Variants in CTBP2 observed in about 807,000 individuals in gnomAD.
CTBP2 encodes C-terminal-binding protein 2.
CTBP2 carries 30 observed loss-of-function variants against 80.3 expected under a neutral mutation model. That is an observed-to-expected ratio of 0.37 (90% CI 0.28 to 0.51). CTBP2 has a LOEUF of 0.51. Ranked by LOEUF, CTBP2 falls within the 20% of genes least tolerant of loss-of-function variation. The probability of loss-of-function intolerance (pLI) is 0.93; values close to 1 mark genes in which losing one functional copy is unlikely to be tolerated. For synonymous variants in CTBP2, 594 were observed against 587.4 expected (o/e 1.01, Z -0.16); for missense variants, 1,212 against 1,375.3 (o/e 0.88, Z 1.88).
At chr10:125,022,523 G>T (rs1957156315) in intron 1 of CTBP2, among the ~76,000 whole-genome samples, 1 of 145,240 alleles carries the variant, frequency 6.9e-6, no homozygotes, top group Non-Finnish European at 1.5e-5. Flanking sequence ...CAGGGGACAG[G>T]TCAATGAGGA....
intron 2 of CTBP2, among the ~76,000 whole-genome samples, chr10:125,075,365 G>C (rs1186683508): frequency 6.6e-6 from 1 of 152,112 alleles, no homozygotes; most frequent in Non-Finnish European, 1.5e-5. Flanking sequence ...CCCCATTAAT[G>C]AATCAATGCT....
chr10:125,145,123 C>T (rs1858510668), intron 1 of CTBP2, among the ~76,000 whole-genome samples: 1 of 152,204 alleles, frequency 6.6e-6, no homozygotes, highest in Non-Finnish European at 1.5e-5. Flanking sequence ...CTTCTTTCAA[C>T]CATTTTTCAT....
chr10:125,111,486 A>C (rs1415119105), intron 1 of CTBP2, among the ~76,000 whole-genome samples: 1 of 152,262 alleles, frequency 6.6e-6, no homozygotes, highest in Non-Finnish European at 1.5e-5. Context: ...TATAAAGTGC[A>C]AATCATGAGC....
At chr10:125,048,160 C>A (rs1184195685) in intron 2 of CTBP2, among the ~76,000 whole-genome samples, 3 of 152,022 alleles carry the variant, frequency 2.0e-5, no homozygotes, top group Non-Finnish European at 4.4e-5. Context: ...GAAACCCCCA[C>A]GTGGGCTGAC....
At chr10:124,990,131 GC>G (rs923294747) in intron 8 of CTBP2, among the ~76,000 whole-genome samples, 3 of 150,310 alleles carry the variant, frequency 2.0e-5, no homozygotes, top group Non-Finnish European at 4.4e-5. Flanking sequence ...TGCAACCTCT[GC>G]CTCCTGGGTT....
At chr10:125,033,443 G>C (rs1358322979) in intron 3 of CTBP2, among the ~76,000 whole-genome samples, 1 of 103,348 alleles carries the variant, frequency 9.7e-6, no homozygotes, top group African/African-American at 3.0e-5. Flanking sequence ...AATCAGAGAG[G>C]AGTCTCATTT....
chr10:125,071,201 C>T (rs1845432213), intron 2 of CTBP2, among the ~76,000 whole-genome samples: 2 of 152,138 alleles, frequency 1.3e-5, no homozygotes, highest in Non-Finnish European at 1.5e-5. Flanking sequence ...ACAGAGGCAG[C>T]GAGGGGCAGG....
intron 2 of CTBP2, among the ~76,000 whole-genome samples, chr10:125,104,042 T>C (rs1442876576): frequency 1.3e-5 from 2 of 152,190 alleles, no homozygotes; most frequent in African/African-American, 4.8e-5. Context: ...GGGAAAGGTG[T>C]TGCATTACAA....
intron 1 of CTBP2, among the ~76,000 whole-genome samples, chr10:125,144,879 C>G (rs777654795): frequency 6.6e-6 from 1 of 152,186 alleles, no homozygotes; most frequent in Non-Finnish European, 1.5e-5. Flanking sequence ...TGACACTGCC[C>G]AGCCTCATCT....
intron 1 of CTBP2, among the ~76,000 whole-genome samples, chr10:125,121,755 C>T (rs1445337107): frequency 6.6e-6 from 1 of 152,198 alleles, no homozygotes. Context: ...AGGCCTGCGT[C>T]CCCCAGACCA....
intron 2 of CTBP2, among the ~76,000 whole-genome samples, chr10:125,094,862 A>AT (rs60252831): frequency 2.2e-3 from 330 of 147,184 alleles, no homozygotes; most frequent in South Asian, 0.012. Flanking sequence ...ATTACCGGCA[A>AT]TTTTTTTTTT....
chr10:125,035,056 C>A (rs1485476943), intron 3 of CTBP2, among the ~76,000 whole-genome samples: 1 of 152,214 alleles, frequency 6.6e-6, no homozygotes, highest in African/African-American at 2.4e-5. Context: ...GCAAGTTCAA[C>A]CCACTGAGAA....
intron 1 of CTBP2, among the ~76,000 whole-genome samples, chr10:125,129,727 C>T (rs1335733499): frequency 1.3e-5 from 2 of 152,166 alleles, no homozygotes; most frequent in Non-Finnish European, 2.9e-5. Flanking sequence ...TCACAGGAGG[C>T]CTGTCTCTGG....
intron 2 of CTBP2, among the ~76,000 whole-genome samples, chr10:125,090,302 A>AAAAAAAAAAAAAAAAAAAG (rs1848579305): frequency 6.7e-6 from 1 of 149,790 alleles, no homozygotes; most frequent in Admixed American, 6.6e-5. Context: ...AAAAAAAAAA[A>AAAAAAAAAAAAAAAAAAAG]GGTTGGGGGG....
At position 124,992,728 on chromosome 10, in the gene CTBP2, G is replaced by A; in HGVS notation, c.2744C>T (p.Ala915Val). Residue 915 changes from alanine (A) to valine (V), a missense_variant, in exon 8 of 9, where the codon GCA (alanine) becomes GTA (valine). This residue lies in a region of CTBP2 where 335 missense variants were observed against 504.7 expected (regional missense o/e 0.66). Coordinates refer to ENST00000309035, the MANE Select transcript of CTBP2 (RefSeq NM_022802.3). ...GGCACCATTGAGCTCAGGATGAATT[G>A]CTTGCTGGTCTATTACTGACCAAGG... 5 of 1,608,390 alleles carry A rather than the reference G, an allele frequency of 3.1e-6. No individual in the cohort carries two copies. Among genetic ancestry groups the A allele is most frequent in the Non-Finnish European group, 4.2e-6 (5 of 1,177,394 alleles).
chr10:125,037,564 A>G (rs1274304631), intron 3 of CTBP2, among the ~76,000 whole-genome samples: 4 of 152,224 alleles, frequency 2.6e-5, no homozygotes, highest in African/African-American at 4.8e-5. Context: ...CAGTAAGTCC[A>G]ATGTCTCTGA....
chr10:125,091,659 G>C (rs1848776929), intron 2 of CTBP2, among the ~76,000 whole-genome samples: 1 of 152,160 alleles, frequency 6.6e-6, no homozygotes, highest in South Asian at 2.1e-4. Context: ...TGTGGTCCCA[G>C]CTATGTGGGG....
At chr10:125,158,791 C>A (rs922269540) in intron 1 of CTBP2, 1 of 151,208 alleles carries the variant, frequency 6.6e-6, no homozygotes, top group Non-Finnish European at 1.5e-5. Flanking sequence ...GCTTGGGCCG[C>A]CTCCGGAAAA....
intron 2 of CTBP2, chr10:125,100,524 TG>T (rs1327608677): frequency 2.6e-5 from 4 of 152,048 alleles, no homozygotes; most frequent in African/African-American, 9.7e-5. Flanking sequence ...CAAACATTTT[TG>T]GAAAAAAAAT....
Sources: allele counts gnomAD v4.1 joint callset (sites outside exome capture counted in the v4.1 genomes callset), GRCh38; gene constraint gnomAD v4.1.1; regional missense constraint gnomAD v4.1.1; transcripts MANE v1.5; gene names NCBI Gene and HGNC (gene_info 2026-07-23, HGNC 2026-07-21).